The following ZNF407 variants were observed in gnomAD, a reference collection of about 807,000 sequenced individuals.
ZNF407 encodes the protein zinc finger protein 407.
In ZNF407, 17 loss-of-function variants were observed where a neutral mutation model predicts 131.2. The ratio of observed to expected loss-of-function variants is 0.13; its 90% CI spans 0.09 to 0.19. The LOEUF (loss-of-function observed/expected upper bound fraction) is 0.19, where lower values mean the gene tolerates loss of function less well. Ranked by LOEUF, ZNF407 falls within the 10% of genes least tolerant of loss-of-function variation. The pLI is 1.00. For synonymous variants in ZNF407, 1,156 were observed against 1,062.0 expected, an observed-to-expected ratio of 1.09 and a Z score of -1.72; for missense variants, 2,681 against 2,830.6, an observed-to-expected ratio of 0.95 and a Z score of 1.20.
chr18:75,054,580 T>C (rs996524502), intron 8 of ZNF407, among the ~76,000 whole-genome samples: 4 of 152,240 alleles, frequency 2.6e-5, no homozygotes, highest in African/African-American at 7.2e-5. Flanking sequence ...CTGGGCTTAT[T>C]TGCATAATTT....
intron 8 of ZNF407, among the ~76,000 whole-genome samples, chr18:75,043,115 A>G (rs1973392769): frequency 2.6e-5 from 4 of 152,178 alleles, no homozygotes; most frequent in Admixed American, 6.5e-5. Flanking sequence ...TGGCTGTGCC[A>G]TTTCGCATCC....
intron 1 of ZNF407, among the ~76,000 whole-genome samples, chr18:74,612,982 GT>G (rs924688488): frequency 5.3e-5 from 8 of 152,036 alleles, no homozygotes; most frequent in African/African-American, 1.9e-4. Context: ...ATCTTAGTAA[GT>G]TTTTTTTAAA....
At chr18:74,811,739 T>C (rs372298068) in intron 4 of ZNF407, among the ~76,000 whole-genome samples, 1 of 151,948 alleles carries the variant, frequency 6.6e-6, no homozygotes, top group African/African-American at 2.4e-5. Context: ...ATGGATGAAA[T>C]TGGAAATCAT....
At chr18:74,999,364 A>T (rs866512074) in intron 8 of ZNF407, among the ~76,000 whole-genome samples, 1 of 150,048 alleles carries the variant, frequency 6.7e-6, no homozygotes, top group Non-Finnish European at 1.5e-5. Flanking sequence ...AAAAAAAAAA[A>T]AAAAAAAAAA....
chr18:74,677,063 A>G (rs1986424182), intron 3 of ZNF407, among the ~76,000 whole-genome samples: 1 of 151,930 alleles, frequency 6.6e-6, no homozygotes, highest in African/African-American at 2.4e-5. Flanking sequence ...ATTCATTTAC[A>G]TTTACCCATG....
chr18:74,638,711 A>G (rs1042197247), intron 2 of ZNF407, among the ~76,000 whole-genome samples: 3 of 152,160 alleles, frequency 2.0e-5, no homozygotes, highest in African/African-American at 7.2e-5. Flanking sequence ...CAAAAAACCT[A>G]CTGAGGATAA....
intron 8 of ZNF407, among the ~76,000 whole-genome samples, chr18:75,037,860 G>T (rs1973327911): frequency 6.6e-6 from 1 of 152,146 alleles, no homozygotes; most frequent in African/African-American, 2.4e-5. Context: ...TCTCAGGGGG[G>T]CACGTGCTCA....
At chr18:74,641,701 T>C (rs1157792530) in intron 3 of ZNF407, among the ~76,000 whole-genome samples, 2 of 152,202 alleles carry the variant, frequency 1.3e-5, no homozygotes, top group African/African-American at 4.8e-5. Flanking sequence ...TCATGTACAG[T>C]GTTTAACTGT....
intron 3 of ZNF407, among the ~76,000 whole-genome samples, chr18:74,741,552 TGTTAA>T (rs1376453384): frequency 1.3e-5 from 2 of 152,192 alleles, no homozygotes; most frequent in Non-Finnish European, 2.9e-5. Context: ...TGGTGTTCTA[TGTTAA>T]GTTTAGAGCC....
At chr18:74,950,753 G>A (rs1568280617) in intron 8 of ZNF407, among the ~76,000 whole-genome samples, 2 of 152,118 alleles carry the variant, frequency 1.3e-5, no homozygotes, top group Non-Finnish European at 2.9e-5. Flanking sequence ...CTAAACCCAG[G>A]GAGGTCTCCC....
At chr18:74,930,757 G>C (rs1375914302) in intron 8 of ZNF407, among the ~76,000 whole-genome samples, 1 of 152,122 alleles carries the variant, frequency 6.6e-6, no homozygotes, top group Non-Finnish European at 1.5e-5. Context: ...CCTGTGCCCT[G>C]TGTGCACCCC....
In ZNF407 at chr18:74,632,287, T is replaced by G. The variant is rs774534938; in HGVS notation, c.1268T>G (p.Leu423Trp). 1.9e-6 allele frequency: 3 copies of G among 1,613,928 alleles called. No individual in the cohort carries two copies. Among genetic ancestry groups the G allele is most frequent in the South Asian group, 1.1e-5 (1 of 91,082 alleles). ...RPRPERNILVLGNSFRRRSST... is the reference protein window; with the variant it reads ...RPRPERNILVWGNSFRRRSST... ...AGACCTGAGCGAAATATTCTCGTGT[T>G]GGGTAATAGCTTTCGTCGACGAAGC... The change falls in exon 2 of 9, where the codon TTG (leucine) becomes TGG (tryptophan). Residue 423 changes from leucine (L) to tryptophan (W), a missense_variant. By Grantham distance (61) the Leu-to-Trp change is moderately conservative (BLOSUM62 -2). Coordinates refer to ENST00000299687, the MANE Select transcript of ZNF407 (RefSeq NM_017757.3).
At chr18:74,905,108 C>T (rs1971578317) in intron 7 of ZNF407, among the ~76,000 whole-genome samples, 1 of 152,184 alleles carries the variant, frequency 6.6e-6, no homozygotes, top group Non-Finnish European at 1.5e-5. Flanking sequence ...AAATCATATC[C>T]TCGTTGAGGG....
chr18:74,668,946 A>C (rs1986034485), intron 3 of ZNF407, among the ~76,000 whole-genome samples: 1 of 151,852 alleles, frequency 6.6e-6, no homozygotes, highest in Admixed American at 6.6e-5. Context: ...CATGCGTGTC[A>C]CGTTCTGGTG....
chr18:74,635,696 C>T lies in ZNF407; in HGVS notation c.4677C>T (p.Arg1559=). The T allele has an allele frequency of 6.3e-7, 1 of 1,587,366 alleles. No homozygotes were observed. The highest frequency in any genetic ancestry group is 8.6e-7 in the Non-Finnish European group (1 of 1,166,368). The part of the protein sequence containing the change: ...SNSMAFLAHI[R]THTGSKPFKC... ...CGATGGCCTTCCTGGCACACATTCG[C>T]ACTCACACAGGTATGTAGCTCTGCA... The change falls in exon 2 of 9, where the codon CGC becomes CGT. Residue 1559 remains arginine (R), a synonymous_variant. Coordinates refer to ENST00000299687, the MANE Select transcript of ZNF407 (RefSeq NM_017757.3). The surrounding 1 kb of genome is among the most constrained non-coding windows in gnomAD (Gnocchi z 4.7).
Position 75,000,970 on chromosome 18 carries a change from C to T in ZNF407, c.5429-62180C>T, listed in dbSNP as rs544247375. Among the ~76,000 whole-genome samples, 3 of 152,256 alleles carry T rather than the reference C, an allele frequency of 2.0e-5. No homozygotes were observed. The South Asian group carries it at 6.2e-4, about 32-fold the overall frequency. On this transcript the variant is annotated intron_variant, in intron 8 of 8. Transcript: ENST00000299687. ...GAAATATCCTCACAGACCCTGTCTC[C>T]CTGCACCCTCCTCCCCATTTGATTT...
chr18:75,056,744 C>T (rs1438531740), intron 8 of ZNF407, among the ~76,000 whole-genome samples: 1 of 152,148 alleles, frequency 6.6e-6, no homozygotes, highest in Non-Finnish European at 1.5e-5. Context: ...GTTTGACTGG[C>T]CAAACTATCG....
intron 3 of ZNF407, among the ~76,000 whole-genome samples, chr18:74,702,832 A>C (rs1490367576): frequency 2.6e-5 from 4 of 152,200 alleles, no homozygotes; most frequent in Non-Finnish European, 4.4e-5. Flanking sequence ...GGCTATACGC[A>C]GTTGTATCTG....
intron 1 of ZNF407, among the ~76,000 whole-genome samples, chr18:74,615,245 G>A (rs749283499): frequency 6.6e-6 from 1 of 152,234 alleles, no homozygotes; most frequent in Non-Finnish European, 1.5e-5. Flanking sequence ...GGTGGCTTAC[G>A]CCTGTAATCC....
Sources: allele counts gnomAD v4.1 joint callset (sites outside exome capture counted in the v4.1 genomes callset), GRCh38; gene constraint gnomAD v4.1.1; non-coding constraint Gnocchi (gnomAD v3.1); transcripts MANE v1.5; gene names NCBI Gene and HGNC (gene_info 2026-07-23, HGNC 2026-07-21).